Variants in TBC1D22A observed in about 807,000 individuals in gnomAD.
TBC1D22A encodes putative GTPase activator.
TBC1D22A carries 38 observed loss-of-function variants against 60.2 expected under a neutral mutation model. The observed-to-expected ratio is 0.63, with a 90% confidence interval of 0.49 to 0.83. The LOEUF is 0.83. Among genes scored for constraint, TBC1D22A ranks in the 40% least tolerant of loss-of-function variants. The pLI, the probability that TBC1D22A is intolerant of heterozygous loss-of-function variation, is 0.00. For missense variants in TBC1D22A, 628 were observed against 701.0 expected (o/e 0.90, Z 1.18); for synonymous variants, 302 against 281.7 (o/e 1.07, Z -0.72).
intron 7 of TBC1D22A, among the ~76,000 whole-genome samples, chr22:46,904,153 A>ATCTATCTATCTG (rs1479581463): frequency 1.9e-3 from 190 of 100,292 alleles, no homozygotes; most frequent in African/African-American, 6.2e-3. Flanking sequence ...CTACCTACCT[A>ATCTATCTATCTG]CCTACCTACC....
chr22:46,842,047 G>C (rs967790131), intron 4 of TBC1D22A, among the ~76,000 whole-genome samples: 3 of 152,162 alleles, frequency 2.0e-5, no homozygotes, highest in African/African-American at 7.2e-5. Flanking sequence ...ATAACATTCT[G>C]TATTATTATT....
intron 4 of TBC1D22A, among the ~76,000 whole-genome samples, chr22:46,827,248 C>G (rs557543189): frequency 6.6e-6 from 1 of 152,198 alleles, no homozygotes; most frequent in Admixed American, 6.5e-5. Flanking sequence ...CTCTGCCCGC[C>G]GTCACCACGC....
intron 10 of TBC1D22A, among the ~76,000 whole-genome samples, chr22:47,001,455 A>G (rs1264594531): frequency 1.3e-5 from 2 of 151,406 alleles, no homozygotes; most frequent in Non-Finnish European, 2.9e-5. Flanking sequence ...AAAAAAGAAA[A>G]AAAAAAAAAA....
At chr22:46,894,737 T>A in intron 6 of TBC1D22A, 47 bp from the exon 7 acceptor site, 1 of 1,604,470 alleles carries the variant, frequency 6.2e-7, no homozygotes, top group Non-Finnish European at 8.5e-7. Flanking sequence ...CTCGTAATGA[T>A]GTTTGTTGTG....
chr22:47,103,562 A>G (rs1215625189), intron 11 of TBC1D22A, among the ~76,000 whole-genome samples: 1 of 152,146 alleles, frequency 6.6e-6, no homozygotes, highest in African/African-American at 2.4e-5. Context: ...TTAAAAATAA[A>G]ATGGTGACAT....
At chr22:46,803,033 T>A (rs910867) in intron 4 of TBC1D22A, among the ~76,000 whole-genome samples, 96,995 of 151,634 alleles carry the variant, frequency 0.64, 31,882 homozygotes, top group Middle Eastern at 0.82. Context: ...AGACAAAATC[T>A]CCTCCTCATG....
intron 12 of TBC1D22A, among the ~76,000 whole-genome samples, chr22:47,140,704 G>A (rs2067051342): frequency 6.6e-6 from 1 of 152,232 alleles, no homozygotes; most frequent in Non-Finnish European, 1.5e-5. Flanking sequence ...TGCTCCTTCT[G>A]CAGGCCCTGA....
intron 10 of TBC1D22A, among the ~76,000 whole-genome samples, chr22:47,000,973 G>T (rs559845716): frequency 6.6e-6 from 1 of 152,290 alleles, no homozygotes; most frequent in South Asian, 2.1e-4. Flanking sequence ...TGTTCTGGGT[G>T]TGTGTTTCCT....
At chr22:46,916,716 A>G (rs544263600) in intron 8 of TBC1D22A, among the ~76,000 whole-genome samples, 1 of 152,372 alleles carries the variant, frequency 6.6e-6, no homozygotes, top group South Asian at 2.1e-4. Context: ...TCATTGGAGA[A>G]AGAGGTCAAG....
At chr22:46,985,625 CG>C (rs2074693949) in intron 9 of TBC1D22A, among the ~76,000 whole-genome samples, 1 of 152,162 alleles carries the variant, frequency 6.6e-6, no homozygotes, top group Non-Finnish European at 1.5e-5. Context: ...AATACTCCAC[CG>C]TGTGAATCTA....
intron 7 of TBC1D22A, among the ~76,000 whole-genome samples, chr22:46,902,189 C>T (rs1301367661): frequency 5.9e-5 from 9 of 152,162 alleles, no homozygotes; most frequent in East Asian, 3.8e-4. Context: ...CTTTTCCTTC[C>T]GAATTAGCAT....
chr22:47,146,465 C>T (rs938824364), intron 12 of TBC1D22A, among the ~76,000 whole-genome samples: 9 of 152,292 alleles, frequency 5.9e-5, no homozygotes, highest in African/African-American at 2.2e-4. Flanking sequence ...AAGCCCAGAC[C>T]CGTGGCTCCT....
Position 47,174,720 on chromosome 22 carries a change from C to T in TBC1D22A, c.*1094C>T, listed in dbSNP as rs1226116115. ...CACTCCTGCCCTGGACCGGTTCTGC[C>T]GTGGACTGGTTCCCGCCGTGGACCA... On this transcript the variant is annotated 3_prime_UTR_variant, in exon 13 of 13. Coordinates refer to ENST00000337137, the MANE Select transcript of TBC1D22A (RefSeq NM_014346.5). The T allele has an allele frequency of 6.8e-6, 1 of 146,864 alleles. No individual in the cohort carries two copies. The highest frequency in any genetic ancestry group is 1.5e-5 in the Non-Finnish European group (1 of 64,546). 9.1% of individuals were successfully genotyped at this position (146,864 alleles called of 1,614,324 possible).
chr22:47,132,551 C>T (rs2076216059), intron 12 of TBC1D22A, among the ~76,000 whole-genome samples: 1 of 152,228 alleles, frequency 6.6e-6, no homozygotes, highest in Admixed American at 6.5e-5. Flanking sequence ...CCCAAACTGA[C>T]TCCTGCCTCC....
At position 47,162,852 on chromosome 22, in the gene TBC1D22A, C is replaced by G. The variant is rs897119493; in HGVS notation, c.1426-10646C>G. 1.3e-5 allele frequency among the ~76,000 whole-genome samples: 2 copies of G among 151,628 alleles called. 1 individual carries two copies. Among genetic ancestry groups the G allele is most frequent in the Admixed American group, 1.3e-4 (2 of 15,228 alleles). On this transcript the variant is annotated intron_variant, in intron 12 of 12. Transcript: ENST00000337137. ...AGTCGGGGGAGTGGGACTGCGGACC[C>G]GGTGTAGGCACTTCCTCGTGGTCTT...
At chr22:47,161,647 G>A (rs1408328885) in intron 12 of TBC1D22A, among the ~76,000 whole-genome samples, 1 of 152,238 alleles carries the variant, frequency 6.6e-6, no homozygotes, top group Non-Finnish European at 1.5e-5. Flanking sequence ...GTGACCTGGA[G>A]CAAGGGGCTG....
intron 1 of TBC1D22A, among the ~76,000 whole-genome samples, chr22:46,766,409 G>A (rs762913649): frequency 2.6e-5 from 4 of 151,976 alleles, no homozygotes; most frequent in African/African-American, 4.8e-5. Context: ...GATTACAGGC[G>A]TGAGCCACCA....
chr22:46,800,783 G>A (rs574264659), intron 4 of TBC1D22A, among the ~76,000 whole-genome samples: 19 of 152,176 alleles, frequency 1.2e-4, no homozygotes, highest in Non-Finnish European at 2.4e-4. Flanking sequence ...CTTCTCACTT[G>A]ATTTTTGTGC....
At chr22:46,965,266 C>A (rs1298735692) in intron 8 of TBC1D22A, among the ~76,000 whole-genome samples, 3 of 152,254 alleles carry the variant, frequency 2.0e-5, no homozygotes, top group African/African-American at 7.2e-5. Flanking sequence ...CTTCTCCACA[C>A]CAGCGTGCCA....
Sources: allele counts gnomAD v4.1 joint callset (sites outside exome capture counted in the v4.1 genomes callset), GRCh38; gene constraint gnomAD v4.1.1; transcripts MANE v1.5; gene names NCBI Gene and HGNC (gene_info 2026-07-23, HGNC 2026-07-21).